Variants in VAPB observed in about 807,000 individuals in gnomAD.
VAPB encodes vesicle-associated membrane protein-associated protein B/C.
VAPB carries 7 observed loss-of-function variants against 25.6 expected under a neutral mutation model. The ratio of observed to expected loss-of-function variants is 0.27; its 90% CI spans 0.16 to 0.51. VAPB has a LOEUF of 0.51. Ranked by LOEUF, VAPB falls within the 20% of genes least tolerant of loss-of-function variation. The pLI, the probability that VAPB is intolerant of heterozygous loss-of-function variation, is 0.97. For missense variants in VAPB, 266 were observed against 301.3 expected (o/e 0.88, Z 0.87); for synonymous variants, 112 against 109.2 (o/e 1.03, Z -0.16).
intron 5 of VAPB, among the ~76,000 whole-genome samples, chr20:58,443,402 T>TG (rs1989203589): frequency 6.7e-6 from 1 of 148,988 alleles, no homozygotes; most frequent in Non-Finnish European, 1.5e-5. Context: ...TTTTAGGTTT[T>TG]TTTTTTTTTT....
rs535007925 is a variant in VAPB, at chr20:58,450,518, C to T, written c.*6283C>T. ...GTTGCTGTCGTTTCCTTTTTAAAGA[C>T]GATTTATCAACTGCTGCCATTTGGA... is the stretch of plus-strand genomic sequence containing the variant. On this transcript the variant is annotated 3_prime_UTR_variant, in exon 6 of 6. Coordinates refer to ENST00000475243, the MANE Select transcript of VAPB (RefSeq NM_004738.5). 8.2e-5 allele frequency: 37 copies of T among 452,992 alleles called. No homozygotes were observed. Among genetic ancestry groups the T allele is most frequent in the African/African-American group, 1.8e-4 (9 of 49,802 alleles). The allele number at this position is 452,992 out of a possible 1,614,324, so 28.1% of individuals were successfully genotyped here. A position where few individuals can be genotyped will look rare whatever the true frequency, so the allele number is the denominator to read the frequency against.
chr20:58,395,449 A>G (rs138038849), intron 1 of VAPB, among the ~76,000 whole-genome samples: 110 of 152,206 alleles, frequency 7.2e-4, no homozygotes, highest in Middle Eastern at 6.8e-3. Flanking sequence ...GCGCCAGGCC[A>G]AGAGTGTCTT....
chr20:58,421,047 T>C lies in VAPB; in HGVS notation c.211+2684T>C, dbSNP rs374440377. 2.6e-5 allele frequency among the ~76,000 whole-genome samples: 4 copies of C among 152,194 alleles called. No homozygotes were observed. In the East Asian group the frequency reaches 5.8e-4, roughly 22 times the overall value. ...AAGCCAGCCTCCCCTTCTCCCCAGATATGCACATGGCCAAGCTTGGTTTTA... is the reference window on the plus strand; with the variant it reads ...AAGCCAGCCTCCCCTTCTCCCCAGACATGCACATGGCCAAGCTTGGTTTTA... On this transcript the variant is annotated intron_variant, in intron 2 of 5. Coordinates refer to ENST00000475243, the MANE Select transcript of VAPB (RefSeq NM_004738.5).
At chr20:58,401,420 C>T (rs1431155611) in intron 1 of VAPB, among the ~76,000 whole-genome samples, 1 of 152,098 alleles carries the variant, frequency 6.6e-6, no homozygotes, top group Non-Finnish European at 1.5e-5. Context: ...CTGTTCTTCA[C>T]TTCTAGTCAC....
At chr20:58,423,430 A>G (rs1185025844) in intron 2 of VAPB, among the ~76,000 whole-genome samples, 1 of 147,550 alleles carries the variant, frequency 6.8e-6, no homozygotes, top group Non-Finnish European at 1.5e-5. Flanking sequence ...AAAAAAAAAA[A>G]AAAAAAAAAA....
intron 1 of VAPB, among the ~76,000 whole-genome samples, chr20:58,398,062 A>G (rs1988006305): frequency 1.3e-5 from 2 of 152,218 alleles, no homozygotes; most frequent in Non-Finnish European, 2.9e-5. Flanking sequence ...TTATAAGTTG[A>G]AAACATATTA....
intron 3 of VAPB, among the ~76,000 whole-genome samples, chr20:58,436,559 T>G: frequency 6.6e-6 from 1 of 152,112 alleles, no homozygotes; most frequent in East Asian, 1.9e-4. Flanking sequence ...ACTCCTGGAC[T>G]CAAGCGATCT....
intron 1 of VAPB, among the ~76,000 whole-genome samples, chr20:58,407,737 C>T (rs1988268333): frequency 6.6e-6 from 1 of 150,850 alleles, no homozygotes; most frequent in African/African-American, 2.4e-5. Flanking sequence ...AATGTAGTGT[C>T]ATGGTGTATG....
intron 1 of VAPB, among the ~76,000 whole-genome samples, chr20:58,414,218 G>A (rs1222304502): frequency 2.2e-5 from 3 of 139,152 alleles, no homozygotes; most frequent in East Asian, 2.3e-4. Context: ...CTGGCCGGGC[G>A]GGGGGCTGAC....
In VAPB at chr20:58,450,142, C is replaced by T. The variant is rs1568726958; in HGVS notation, c.*5907C>T. 2.2e-6 allele frequency: 1 copy of T among 454,136 alleles called. No homozygotes were observed. Among genetic ancestry groups the T allele is most frequent in the East Asian group, 6.9e-5 (1 of 14,400 alleles). The allele number at this position is 454,136 out of a possible 1,614,324, so 28.1% of individuals were successfully genotyped here. On this transcript the variant is annotated 3_prime_UTR_variant, in exon 6 of 6. Coordinates refer to ENST00000475243, the MANE Select transcript of VAPB (RefSeq NM_004738.5). ...GCTGTTTCTCCGAACTGGCTGCCTGCATTCCCGTCTTTCTTTTGTTTTTAA... is the reference window on the plus strand; with the variant it reads ...GCTGTTTCTCCGAACTGGCTGCCTGTATTCCCGTCTTTCTTTTGTTTTTAA...
At chr20:58,443,979 C>T (rs2123104754) in intron 5 of VAPB, 98 bp from the exon 6 acceptor site, 1 of 1,568,766 alleles carries the variant, frequency 6.4e-7, no homozygotes, top group African/African-American at 1.3e-5. Context: ...TCATGTCATC[C>T]AACACTGGGC....
intron 2 of VAPB, chr20:58,431,355 A>G: frequency 6.6e-6 from 1 of 152,226 alleles, no homozygotes; most frequent in East Asian, 1.9e-4. Context: ...TTGCAGAACC[A>G]TGAAGCTCTG....
intron 1 of VAPB, among the ~76,000 whole-genome samples, chr20:58,395,418 G>A (rs1262494070): frequency 6.6e-6 from 1 of 152,002 alleles, no homozygotes; most frequent in Non-Finnish European, 1.5e-5. Context: ...CAAAGTGCTG[G>A]GATTACAGAC....
rs1308147429 is a variant in VAPB at position 58,445,269 on chromosome 20, TACTC to T, written c.*1037_*1040del. On this transcript the variant is annotated 3_prime_UTR_variant, in exon 6 of 6. Transcript: ENST00000475243. ...TGTTCTTATACCACCTCTCAACCATTACTCACACTTCCAGCGCCCAGGTCCAAGT... is the reference window on the plus strand; with the variant it reads ...TGTTCTTATACCACCTCTCAACCATTACACTTCCAGCGCCCAGGTCCAAGT... 2 of 454,314 alleles carry T rather than the reference TACTC, an allele frequency of 4.4e-6. No homozygotes were observed. The highest frequency in any genetic ancestry group is 8.8e-6 in the Non-Finnish European group (2 of 226,772). 28.1% of individuals were successfully genotyped at this position (454,314 alleles called of 1,614,324 possible). A position where few individuals can be genotyped will look rare whatever the true frequency, so the allele number is the denominator to read the frequency against.
chr20:58,418,335 C>G lies in VAPB; in HGVS notation c.183C>G (p.Ile61Met). 6.2e-7 allele frequency: 1 copy of G among 1,614,172 alleles called. No individual in the cohort carries two copies. The highest frequency in any genetic ancestry group is 8.5e-7 in the Non-Finnish European group (1 of 1,180,028). ...RYCVRPNSGIIDAGASINVSV... is the reference protein window; with the variant it reads ...RYCVRPNSGIMDAGASINVSV... ...GTGTGAGGCCCAACAGCGGAATCAT[C>G]GATGCAGGGGCCTCAATTAATGTAT... Residue 61 changes from isoleucine (I) to methionine (M), a missense_variant, in exon 2 of 6, where the codon ATC (isoleucine) becomes ATG (methionine). Transcript: ENST00000475243.
chr20:58,411,470 CAG>C (rs556866921), intron 1 of VAPB, among the ~76,000 whole-genome samples: 1 of 152,142 alleles, frequency 6.6e-6, no homozygotes, highest in South Asian at 2.1e-4. Flanking sequence ...TCAGTAGAGA[CAG>C]GGTTTCACCA....
At position 58,448,392 on chromosome 20, in the gene VAPB, G is replaced by A. The variant is rs1271588021; in HGVS notation, c.*4157G>A. ...TAGGAACCTTTTCAAGAAAGTTACTGTTGTTTCAATGCCACTCCTTACCTG... is the reference window on the plus strand; with the variant it reads ...TAGGAACCTTTTCAAGAAAGTTACTATTGTTTCAATGCCACTCCTTACCTG... On this transcript the variant is annotated 3_prime_UTR_variant, in exon 6 of 6. Coordinates refer to ENST00000475243, the MANE Select transcript of VAPB (RefSeq NM_004738.5). 2.2e-6 allele frequency: 1 copy of A among 454,052 alleles called. No individual in the cohort carries two copies. Among genetic ancestry groups the A allele is most frequent in the South Asian group, 1.6e-5 (1 of 64,472 alleles). 28.1% of individuals were successfully genotyped at this position (454,052 alleles called of 1,614,324 possible). A position where few individuals can be genotyped will look rare whatever the true frequency, so the allele number is the denominator to read the frequency against.
chr20:58,434,238 A>T (rs1988989935), intron 2 of VAPB, among the ~76,000 whole-genome samples: 3 of 152,196 alleles, frequency 2.0e-5, no homozygotes, highest in African/African-American at 7.2e-5. Flanking sequence ...TGAAGAGATC[A>T]TTTGGATATG....
chr20:58,414,411 G>T (rs1160031580), intron 1 of VAPB, among the ~76,000 whole-genome samples: 8 of 146,912 alleles, frequency 5.4e-5, no homozygotes, highest in African/African-American at 1.3e-4. Context: ...GGGCGGAGAG[G>T]CTCCCCACCC....
Sources: allele counts gnomAD v4.1 joint callset (sites outside exome capture counted in the v4.1 genomes callset), GRCh38; gene constraint gnomAD v4.1.1; transcripts MANE v1.5; gene names NCBI Gene and HGNC (gene_info 2026-07-23, HGNC 2026-07-21).